The following CDH13 variants were observed in gnomAD, a reference collection of about 807,000 sequenced individuals.
CDH13 encodes the protein cadherin 13, also known as cadherin-13.
In CDH13, 24 loss-of-function variants were observed where a neutral mutation model predicts 63.8. The ratio of observed to expected loss-of-function variants is 0.38; its 90% CI spans 0.27 to 0.53. The LOEUF (loss-of-function observed/expected upper bound fraction) is 0.53. Among genes scored for constraint, CDH13 ranks in the 20% least tolerant of loss-of-function variants. The pLI is 0.85. For missense variants in CDH13, 1,049 were observed against 903.1 expected (o/e 1.16, Z -2.07); for synonymous variants, 503 against 355.3 (o/e 1.42, Z -4.67).
chr16:83,404,708 A>G lies in CDH13; in HGVS notation c.781+59702A>G, dbSNP rs1196835865. Among the ~76,000 whole-genome samples, 3 of 152,204 alleles carry G rather than the reference A, an allele frequency of 2.0e-5. No homozygotes were observed. The South Asian group carries it at 6.2e-4, about 32-fold the overall frequency. On this transcript the variant is annotated intron_variant, in intron 6 of 13. Coordinates refer to ENST00000567109, the MANE Select transcript of CDH13 (RefSeq NM_001257.5). ...ATCTTCCTCGGTACCCTTCCCCAGA[A>G]CAGCCACTGTGTCTTCCCAGAAATT...
intron 1 of CDH13, among the ~76,000 whole-genome samples, chr16:82,666,057 C>T (rs899013716): frequency 1.3e-5 from 2 of 152,146 alleles, no homozygotes; most frequent in South Asian, 4.2e-4. Context: ...GTAAAATCCT[C>T]CCAGAACCTT....
At chr16:83,197,569 G>C (rs1365513771) in intron 4 of CDH13, among the ~76,000 whole-genome samples, 4 of 152,002 alleles carry the variant, frequency 2.6e-5, no homozygotes, top group Admixed American at 2.6e-4. Context: ...GAAAAATTAT[G>C]GAAATGGAGA....
chr16:82,971,398 G>C (rs1908722542), intron 2 of CDH13, among the ~76,000 whole-genome samples: 1 of 152,142 alleles, frequency 6.6e-6, no homozygotes, highest in African/African-American at 2.4e-5. Flanking sequence ...TTGTTGCAAG[G>C]TCTGTTCCTA....
chr16:82,993,300 T>A (rs911983440), intron 2 of CDH13, among the ~76,000 whole-genome samples: 6 of 152,168 alleles, frequency 3.9e-5, no homozygotes, highest in African/African-American at 1.4e-4. Flanking sequence ...CTGCCTATAC[T>A]GTTGTTCTTG....
At chr16:83,423,323 ACTT>A (rs2071773169) in intron 6 of CDH13, among the ~76,000 whole-genome samples, 1 of 152,086 alleles carries the variant, frequency 6.6e-6, no homozygotes, top group African/African-American at 2.4e-5. Flanking sequence ...CATTTTGTTC[ACTT>A]CTTCAGAAAA....
At chr16:82,887,616 T>C (rs1014511373) in intron 2 of CDH13, among the ~76,000 whole-genome samples, 3 of 151,994 alleles carry the variant, frequency 2.0e-5, no homozygotes, top group Non-Finnish European at 2.9e-5. Flanking sequence ...AGGTCAGGAG[T>C]TCGAGACGAG....
chr16:82,872,894 C>T (rs369578756), intron 2 of CDH13, among the ~76,000 whole-genome samples: 8 of 152,302 alleles, frequency 5.3e-5, no homozygotes, highest in Non-Finnish European at 1.0e-4. Context: ...AGCTTTGAAT[C>T]AGATAAAAAA....
rs144414502 is a variant in CDH13 at position 83,479,392 on chromosome 16, C to G, written c.782-7085C>G. Among the ~76,000 whole-genome samples the G allele has an allele frequency of 2.5e-3, 377 of 152,252 alleles. 1 individual carries two copies. Among genetic ancestry groups the G allele is most frequent in the African/African-American group, 8.7e-3 (362 of 41,546 alleles). ...AACAAACTTACATTTCTCAGCTGGG[C>G]GCGGTGGTTCACACCTGTAATCCCA... On this transcript the variant is annotated intron_variant, in intron 6 of 13. Coordinates refer to ENST00000567109, the MANE Select transcript of CDH13 (RefSeq NM_001257.5).
intron 4 of CDH13, among the ~76,000 whole-genome samples, chr16:83,147,959 A>AGTC (rs1380672789): frequency 3.3e-5 from 5 of 152,122 alleles, no homozygotes; most frequent in Non-Finnish European, 7.4e-5. Context: ...TTTGAGATGG[A>AGTC]GTCTCACTCT....
At chr16:83,374,963 C>T (rs571404982) in intron 6 of CDH13, among the ~76,000 whole-genome samples, 4 of 152,218 alleles carry the variant, frequency 2.6e-5, no homozygotes, top group South Asian at 4.2e-4. Context: ...TTTTTGATAA[C>T]CGTGGGGATT....
chr16:83,302,063 G>A (rs2089760991), intron 5 of CDH13, among the ~76,000 whole-genome samples: 1 of 152,056 alleles, frequency 6.6e-6, no homozygotes, highest in African/African-American at 2.4e-5. Context: ...AAAAATGAAA[G>A]TGGGGATCGT....
intron 10 of CDH13, among the ~76,000 whole-genome samples, chr16:83,743,543 T>C (rs1435358249): frequency 6.6e-6 from 1 of 152,162 alleles, no homozygotes; most frequent in East Asian, 1.9e-4. Context: ...AGAGGGAGCA[T>C]CAAAGAGCAT....
At chr16:83,438,820 A>T (rs1598021810) in intron 6 of CDH13, among the ~76,000 whole-genome samples, 1 of 152,256 alleles carries the variant, frequency 6.6e-6, no homozygotes, top group East Asian at 1.9e-4. Flanking sequence ...AAGTCTATGC[A>T]GCAGTGACAT....
chr16:83,002,951 T>C (rs999092272), intron 2 of CDH13, among the ~76,000 whole-genome samples: 1 of 152,198 alleles, frequency 6.6e-6, no homozygotes, highest in Non-Finnish European at 1.5e-5. Flanking sequence ...GTACCAAATA[T>C]ATTGTTTTAC....
At chr16:82,906,459 C>T (rs1377474880) in intron 2 of CDH13, among the ~76,000 whole-genome samples, 1 of 152,158 alleles carries the variant, frequency 6.6e-6, no homozygotes, top group Non-Finnish European at 1.5e-5. Context: ...TTCTTACTTC[C>T]ATGTCCTAAA....
chr16:82,715,353 G>C (rs772659603), intron 1 of CDH13, among the ~76,000 whole-genome samples: 1 of 152,042 alleles, frequency 6.6e-6, no homozygotes, highest in African/African-American at 2.4e-5. Context: ...AAGTCAGGGC[G>C]TCTGTTTGTT....
rs1047959063 is a variant in CDH13, at chr16:82,989,797, A to C, written c.158-42213A>C. On this transcript the variant is annotated intron_variant, in intron 2 of 13. Coordinates refer to ENST00000567109, the MANE Select transcript of CDH13 (RefSeq NM_001257.5). ...TGGCCAGTGACTCTTTAACCAGGCAATGTGATTTACGTTTAGATGTTAGTT... is the reference window on the plus strand; with the variant it reads ...TGGCCAGTGACTCTTTAACCAGGCACTGTGATTTACGTTTAGATGTTAGTT... Among the ~76,000 whole-genome samples the C allele has an allele frequency of 3.3e-5, 5 of 152,152 alleles. No individual in the cohort carries two copies. In the East Asian group the frequency reaches 9.6e-4, roughly 29 times the overall value.
chr16:82,990,927 G>A (rs1911582264), intron 2 of CDH13, among the ~76,000 whole-genome samples: 1 of 152,160 alleles, frequency 6.6e-6, no homozygotes, highest in Admixed American at 6.5e-5. Context: ...AAGGGCTTTA[G>A]TTTCATGTGC....
chr16:82,783,738 T>C (rs946806050), intron 1 of CDH13, among the ~76,000 whole-genome samples: 2 of 152,180 alleles, frequency 1.3e-5, no homozygotes, highest in African/African-American at 4.8e-5. Context: ...AGGCAAGGGC[T>C]TCTCCACACC....
Sources: gnomAD v4.1 joint callset for allele counts (sites outside exome capture counted in the v4.1 genomes callset) on GRCh38, gnomAD v4.1.1 for gene constraint, MANE v1.5 for transcripts, NCBI Gene and HGNC (gene_info 2026-07-23, HGNC 2026-07-21) for gene names.